ARSK: variants seen among roughly 807,000 people sequenced by gnomAD.
ARSK encodes arylsulfatase K.
ARSK carries 37 observed loss-of-function variants against 53.2 expected under a neutral mutation model. That is an observed-to-expected ratio of 0.70 (90% CI 0.54 to 0.92). ARSK has a LOEUF of 0.92. ARSK is among the 40% of genes least tolerant of loss of function. The pLI is 0.00. For synonymous variants in ARSK, 208 were observed against 223.2 expected, an observed-to-expected ratio of 0.93 and a Z score of 0.61; for missense variants, 613 against 643.0, an observed-to-expected ratio of 0.95 and a Z score of 0.51.
chr5:95,591,855 G>T (rs1483040826), intron 6 of ARSK, among the ~76,000 whole-genome samples: 1 of 152,132 alleles, frequency 6.6e-6, no homozygotes, highest in African/African-American at 2.4e-5. Context: ...CAAAAGATTT[G>T]TATTCAGGAG....
rs760250467 is a variant in ARSK at position 95,603,250 on chromosome 5, T to C, written c.1335T>C (p.Asp445=). ...TTTTTCTTTCAGATCTTTCCTCGGA[T>C]CCAGATGAATTAACAAATGTTGCTG... ...ILPQLFDLSS[D]PDELTNVAVK... The change falls in exon 8 of 8, where the codon GAT becomes GAC. Residue 445 remains aspartate (D), a synonymous_variant. Coordinates refer to ENST00000380009, the MANE Select transcript of ARSK (RefSeq NM_198150.3). 5 of 1,573,266 alleles carry C rather than the reference T, an allele frequency of 3.2e-6. No individual in the cohort carries two copies. Among genetic ancestry groups the C allele is most frequent in the Non-Finnish European group, 4.3e-6 (5 of 1,162,280 alleles).
At chr5:95,594,081 AT>A (rs1749261797) in intron 6 of ARSK, among the ~76,000 whole-genome samples, 1 of 152,164 alleles carries the variant, frequency 6.6e-6, no homozygotes, top group Non-Finnish European at 1.5e-5. Context: ...ATTGAATATT[AT>A]TTTTATTATC....
Position 95,586,708 on chromosome 5 carries a change from G to A in ARSK, c.846G>A (p.Met282Ile). 6.2e-7 allele frequency: 1 copy of A among 1,609,318 alleles called. No individual in the cohort carries two copies. The highest frequency in any genetic ancestry group is 8.5e-7 in the Non-Finnish European group (1 of 1,178,056). ...ATATTAGAGCATTTTATTATGCTATGTGTGCTGAGACAGATGCCATGCTTG... is the reference window on the plus strand; with the variant it reads ...ATATTAGAGCATTTTATTATGCTATATGTGCTGAGACAGATGCCATGCTTG... Reference protein sequence around the residue: ...IKNIRAFYYAMCAETDAMLGE... With the variant: ...IKNIRAFYYAICAETDAMLGE... Residue 282 changes from methionine (M) to isoleucine (I), a missense_variant, in exon 5 of 8, where the codon ATG becomes ATA. Physicochemically the swap from Met to Ile is conservative, Grantham distance 10. Coordinates refer to ENST00000380009, the MANE Select transcript of ARSK (RefSeq NM_198150.3).
rs763797717 is a variant in ARSK, at chr5:95,555,274, C to T, written c.-5C>T. On this transcript the variant is annotated 5_prime_UTR_variant, in exon 1 of 8. Transcript: ENST00000380009. This position sits in a 1 kb window ranked among gnomAD's most constrained non-coding sequence, Gnocchi z 4.0. ...GGCGGCAGGCTCTCAGAACCGCTAC[C>T]GGCGATGCTACTGCTGTGGGTGTCG... 2.5e-6 allele frequency: 4 copies of T among 1,594,080 alleles called. No individual in the cohort carries two copies. In the South Asian group the frequency reaches 3.3e-5, roughly 13 times the overall value.
In ARSK at chr5:95,590,783, C is replaced by A. The variant is rs569588450; in HGVS notation, c.872-618C>A. On this transcript the variant is annotated intron_variant, in intron 5 of 7. Transcript: ENST00000380009. ...CGAGAACACTGAGACAGGAACTGGT[C>A]AGAGGAATTTTACTGTCCCATTATT... Among the ~76,000 whole-genome samples, 26 of 152,300 alleles carry A rather than the reference C, an allele frequency of 1.7e-4. No homozygotes were observed. The South Asian group carries it at 5.4e-3, about 32-fold the overall frequency.
chr5:95,572,549 C>G (rs963154311), intron 3 of ARSK, among the ~76,000 whole-genome samples: 4 of 152,182 alleles, frequency 2.6e-5, no homozygotes, highest in African/African-American at 9.7e-5. Flanking sequence ...GAGGCCGAGG[C>G]GGGCAGATCA....
intron 3 of ARSK, among the ~76,000 whole-genome samples, chr5:95,574,656 G>A (rs772223294): frequency 5.3e-5 from 8 of 152,024 alleles, no homozygotes; most frequent in Non-Finnish European, 1.2e-4. Context: ...AGAAATGTCT[G>A]TTCAGATCTT....
At chr5:95,588,200 C>T (rs1580227380) in intron 5 of ARSK, among the ~76,000 whole-genome samples, 2 of 150,928 alleles carry the variant, frequency 1.3e-5, no homozygotes, top group Admixed American at 6.6e-5. Flanking sequence ...AACTCCCTTA[C>T]ATCAAGTTAC....
intron 4 of ARSK, among the ~76,000 whole-genome samples, chr5:95,586,280 G>A (rs949635861): frequency 3.9e-5 from 6 of 152,070 alleles, no homozygotes; most frequent in Admixed American, 1.3e-4. Context: ...AGCATGTACT[G>A]TCTAATATAG....
Position 95,602,201 on chromosome 5 carries a change from T to C in ARSK, c.1322-1036T>C, listed in dbSNP as rs372859123. Reference sequence around the variant, plus strand: ...ACTTTTTCATCAGCCTTTTTCTGCCTATAAAGCCCACCTCCCCTGCTCAGC... The same window carrying C: ...ACTTTTTCATCAGCCTTTTTCTGCCCATAAAGCCCACCTCCCCTGCTCAGC... On this transcript the variant is annotated intron_variant, in intron 7 of 7. Transcript: ENST00000380009. 1.8e-4 allele frequency among the ~76,000 whole-genome samples: 27 copies of C among 152,330 alleles called. 1 individual carries two copies. Among genetic ancestry groups the C allele is most frequent in the Middle Eastern group, 3.4e-3 (1 of 294 alleles).
intron 4 of ARSK, among the ~76,000 whole-genome samples, chr5:95,585,260 T>C (rs1195309795): frequency 6.6e-6 from 1 of 152,194 alleles, no homozygotes; most frequent in East Asian, 1.9e-4. Context: ...TGGAAAACAG[T>C]GTGGAGATTC....
intron 3 of ARSK, among the ~76,000 whole-genome samples, chr5:95,579,979 C>T (rs1435709665): frequency 1.3e-5 from 2 of 152,132 alleles, no homozygotes; most frequent in Non-Finnish European, 2.9e-5. Context: ...ATAGTTTTGA[C>T]CTCATGGGCT....
At chr5:95,590,358 G>C (rs1020647560) in intron 5 of ARSK, among the ~76,000 whole-genome samples, 1 of 152,136 alleles carries the variant, frequency 6.6e-6, no homozygotes, top group South Asian at 2.1e-4. Context: ...GTAGCCGAGG[G>C]TGCTGAGTGT....
intron 3 of ARSK, among the ~76,000 whole-genome samples, chr5:95,581,633 T>C (rs1561365283): frequency 6.6e-6 from 1 of 152,216 alleles, no homozygotes; most frequent in Non-Finnish European, 1.5e-5. Flanking sequence ...CTGTGTCCTA[T>C]TCCTTCTCTC....
At position 95,604,230 on chromosome 5, in the gene ARSK, G is replaced by A. The variant is rs1749462693; in HGVS notation, c.*704G>A. On this transcript the variant is annotated 3_prime_UTR_variant, in exon 8 of 8. Coordinates refer to ENST00000380009, the MANE Select transcript of ARSK (RefSeq NM_198150.3). ...GATTGTTTGGATGTATTTAATGGGAGTATTTGGAGTATTTAACGGGATGTA... is the reference window on the plus strand; with the variant it reads ...GATTGTTTGGATGTATTTAATGGGAATATTTGGAGTATTTAACGGGATGTA... 6.6e-6 allele frequency: 1 copy of A among 152,178 alleles called. No individual in the cohort carries two copies. The highest frequency in any genetic ancestry group is 2.4e-5 in the African/African-American group (1 of 41,448). 9.4% of individuals were successfully genotyped at this position (152,178 alleles called of 1,614,324 possible). A position where few individuals can be genotyped will look rare whatever the true frequency, so the allele number is the denominator to read the frequency against.
At chr5:95,596,479 T>C (rs1749309724) in intron 6 of ARSK, among the ~76,000 whole-genome samples, 1 of 152,204 alleles carries the variant, frequency 6.6e-6, no homozygotes, top group Non-Finnish European at 1.5e-5. Context: ...AATTGATTTT[T>C]CAAGGATAAA....
chr5:95,566,256 A>T, intron 2 of ARSK, 129 bp downstream of exon 2: 2 of 1,179,116 alleles, frequency 1.7e-6, no homozygotes, highest in Admixed American at 5.9e-5. Flanking sequence ...AATATAAAAG[A>T]TGTGCATTTT....
At chr5:95,595,036 T>G (rs75008359) in intron 6 of ARSK, among the ~76,000 whole-genome samples, 9,112 of 152,284 alleles carry the variant, frequency 0.06, 331 homozygotes, top group East Asian at 0.11. Context: ...CCCTGGATAT[T>G]TATTACCATA....
intron 3 of ARSK, among the ~76,000 whole-genome samples, chr5:95,577,679 C>A (rs1242973994): frequency 6.6e-6 from 1 of 152,010 alleles, no homozygotes; most frequent in African/African-American, 2.4e-5. Flanking sequence ...ACAAGCAGAC[C>A]AGAAAATGGC....
Sources: gnomAD v4.1 joint callset for allele counts (sites outside exome capture counted in the v4.1 genomes callset) on GRCh38, gnomAD v4.1.1 for gene constraint, Gnocchi (gnomAD v3.1) non-coding constraint, MANE v1.5 for transcripts, NCBI Gene and HGNC (gene_info 2026-07-23, HGNC 2026-07-21) for gene names.